The following SLC4A4 variants were observed in gnomAD, a reference collection of about 807,000 sequenced individuals.
SLC4A4 encodes solute carrier family 4 member 4, also known as electrogenic sodium bicarbonate cotransporter 1.
In SLC4A4, 27 loss-of-function variants were observed where a neutral mutation model predicts 111.5. That is an observed-to-expected ratio of 0.24 (90% CI 0.18 to 0.33). SLC4A4 has a LOEUF of 0.33. Ranked by LOEUF, SLC4A4 falls within the 10% of genes least tolerant of loss-of-function variation. The pLI is 1.00. For missense variants in SLC4A4, 909 were observed against 1,315.5 expected, an observed-to-expected ratio of 0.69 and a Z score of 4.78; for synonymous variants, 443 against 463.4, an observed-to-expected ratio of 0.96 and a Z score of 0.57.
chr4:71,477,794 C>G (rs1468775829), intron 14 of SLC4A4, among the ~76,000 whole-genome samples: 1 of 151,728 alleles, frequency 6.6e-6, no homozygotes, highest in East Asian at 2.0e-4. Flanking sequence ...CTCATTCATT[C>G]ATCAACAAAA....
chr4:71,349,401 C>T (rs374889245), intron 4 of SLC4A4, among the ~76,000 whole-genome samples: 3 of 152,114 alleles, frequency 2.0e-5, no homozygotes, highest in East Asian at 1.9e-4. Flanking sequence ...ATCAATAAAA[C>T]GAAATTTTAC....
chr4:71,421,850 A>C (rs1176573599), intron 7 of SLC4A4, among the ~76,000 whole-genome samples: 2 of 152,058 alleles, frequency 1.3e-5, no homozygotes, highest in Non-Finnish European at 2.9e-5. Flanking sequence ...TGTAGAGGGA[A>C]ATTTATAGCA....
chr4:71,092,751 C>A (rs560266357), exon 2 of SLC4A4, among the ~76,000 whole-genome samples: 1 of 152,158 alleles, frequency 6.6e-6, no homozygotes, highest in Admixed American at 6.5e-5. Context: ...TGTGTTGTAA[C>A]TTCTTCTGGC....
intron 21 of SLC4A4, among the ~76,000 whole-genome samples, chr4:71,555,771 G>A (rs1736416335): frequency 6.6e-6 from 1 of 151,916 alleles, no homozygotes. Context: ...GCATGGTGGT[G>A]CACACTTTTA....
chr4:71,244,773 CTTT>C (rs11440449), intron 2 of SLC4A4, among the ~76,000 whole-genome samples: 1 of 146,016 alleles, frequency 6.8e-6, no homozygotes, highest in Non-Finnish European at 1.5e-5. Flanking sequence ...ATGGACCATG[CTTT>C]TTTTTTTTTT....
chr4:71,094,078 T>C (rs775969022), intron 2 of SLC4A4, among the ~76,000 whole-genome samples: 6 of 152,188 alleles, frequency 3.9e-5, no homozygotes, highest in Admixed American at 1.3e-4. Context: ...ATCTAAAATA[T>C]GTCCCTTATT....
chr4:71,527,065 A>G (rs1733485366), intron 16 of SLC4A4, among the ~76,000 whole-genome samples: 3 of 152,136 alleles, frequency 2.0e-5, no homozygotes, highest in African/African-American at 4.8e-5. Context: ...TGCCCTAGCC[A>G]TGTAACATTA....
rs115820671 is a variant in SLC4A4, at chr4:71,239,436, A to G, written c.73+2787A>G. 4.8e-3 allele frequency among the ~76,000 whole-genome samples: 726 copies of G among 152,304 alleles called. 3 individuals are homozygous for G. The highest frequency in any genetic ancestry group is 0.013 in the African/African-American group (541 of 41,566). ...TTGGAGTCAGCTCAACCTGAAGGCAAGAAGAGCCAGATACTCTCTCTTAGT... is the reference window on the plus strand; with the variant it reads ...TTGGAGTCAGCTCAACCTGAAGGCAGGAAGAGCCAGATACTCTCTCTTAGT... On this transcript the variant is annotated intron_variant, in intron 2 of 25. Transcript: ENST00000264485.
chr4:71,289,555 A>C (rs946622461), intron 3 of SLC4A4, among the ~76,000 whole-genome samples: 2 of 152,220 alleles, frequency 1.3e-5, no homozygotes, highest in Non-Finnish European at 2.9e-5. Context: ...AGTTGAGAAC[A>C]CTTGCAAAGT....
chr4:71,466,581 T>G lies in SLC4A4; in HGVS notation c.1631+4T>G, dbSNP rs1261318842. The G allele has an allele frequency of 6.2e-7, 1 of 1,613,044 alleles. No homozygotes were observed. Among genetic ancestry groups the G allele is most frequent in the Non-Finnish European group, 8.5e-7 (1 of 1,179,290 alleles). On this transcript the variant is annotated splice_donor_region_variant and intron_variant, in intron 13 of 25. Transcript: ENST00000264485. Reference sequence around the variant, plus strand: ...GGCTTCTATTTAATTTCAGCAAGTATGTACATACATATTTAATTGCAAATT... The same window carrying G: ...GGCTTCTATTTAATTTCAGCAAGTAGGTACATACATATTTAATTGCAAATT...
At chr4:71,545,828 T>C (rs1184326559) in intron 18 of SLC4A4, among the ~76,000 whole-genome samples, 1 of 152,024 alleles carries the variant, frequency 6.6e-6, no homozygotes, top group Non-Finnish European at 1.5e-5. Flanking sequence ...CTCAGCGCTG[T>C]CCAGTAGAGA....
At chr4:71,123,450 GA>G (rs1235235510) in intron 2 of SLC4A4, among the ~76,000 whole-genome samples, 4 of 151,948 alleles carry the variant, frequency 2.6e-5, no homozygotes, top group Non-Finnish European at 5.9e-5. Flanking sequence ...CCCAAAATTT[GA>G]AAAAAATGAA....
chr4:71,303,432 T>G (rs1302292561), intron 3 of SLC4A4, among the ~76,000 whole-genome samples: 1 of 152,248 alleles, frequency 6.6e-6, no homozygotes, highest in Non-Finnish European at 1.5e-5. Context: ...TTGTTCATGC[T>G]TAAAGGCACT....
intron 2 of SLC4A4, among the ~76,000 whole-genome samples, chr4:71,149,191 T>C (rs1744253979): frequency 6.6e-6 from 1 of 152,178 alleles, no homozygotes; most frequent in Non-Finnish European, 1.5e-5. Context: ...TTAATTAGAA[T>C]GGCATGATTC....
rs772099936 is a variant in SLC4A4 at position 71,524,567 on chromosome 4, CTT to C, written c.2167-7492_2167-7491del. ...ATCGTAGAGTCAAAATCAGACTTTCCTTTTATTAAATTCTGATTATAGTGGGT... is the reference window on the plus strand; with the variant it reads ...ATCGTAGAGTCAAAATCAGACTTTCCTTATTAAATTCTGATTATAGTGGGT... On this transcript the variant is annotated intron_variant, in intron 16 of 25. Coordinates refer to ENST00000264485, the MANE Select transcript of SLC4A4 (RefSeq NM_001098484.3). Among the ~76,000 whole-genome samples, 129 of 152,100 alleles carry C rather than the reference CTT, an allele frequency of 8.5e-4. 1 individual carries two copies. Among genetic ancestry groups the C allele is most frequent in the Non-Finnish European group, 1.6e-4 (11 of 67,982 alleles).
At chr4:71,099,849 C>G (rs755658943) in intron 2 of SLC4A4, among the ~76,000 whole-genome samples, 14 of 152,094 alleles carry the variant, frequency 9.2e-5, no homozygotes, top group Non-Finnish European at 1.8e-4. Flanking sequence ...ACTAGAAAAC[C>G]TAGAAGAGAT....
chr4:71,092,043 G>GTACCAGACTCTGTGT (rs1742405903), intron 1 of SLC4A4, among the ~76,000 whole-genome samples: 1 of 152,122 alleles, frequency 6.6e-6, no homozygotes, highest in Admixed American at 6.6e-5. Context: ...GTGGTATCAA[G>GTACCAGACTCTGTGT]TACCAGACTC....
chr4:71,419,158 G>A (rs893348601), intron 7 of SLC4A4, among the ~76,000 whole-genome samples: 1 of 152,206 alleles, frequency 6.6e-6, no homozygotes, highest in South Asian at 2.1e-4. Context: ...GGACACACTT[G>A]AGGAGGCAGT....
chr4:71,258,978 A>G (rs1412161440), intron 3 of SLC4A4, among the ~76,000 whole-genome samples: 1 of 152,164 alleles, frequency 6.6e-6, no homozygotes, highest in Non-Finnish European at 1.5e-5. Context: ...TATTAAGGTG[A>G]CATGAGCTGG....
Sources: allele counts gnomAD v4.1 joint callset (sites outside exome capture counted in the v4.1 genomes callset), GRCh38; gene constraint gnomAD v4.1.1; transcripts MANE v1.5; gene names NCBI Gene and HGNC (gene_info 2026-07-23, HGNC 2026-07-21).